The following UVRAG variants were observed in gnomAD, a reference collection of about 807,000 sequenced individuals.
UVRAG encodes UV radiation resistance associated, also known as UV radiation resistance-associated gene protein.
Under a neutral mutation model 78.0 loss-of-function variants are expected in UVRAG, and 19 were observed. The ratio of observed to expected loss-of-function variants is 0.24; its 90% confidence interval spans 0.17 to 0.36. The LOEUF (loss-of-function observed/expected upper bound fraction) is 0.36, where lower values mean the gene tolerates loss of function less well. Ranked by LOEUF, UVRAG falls within the 10% of genes least tolerant of loss-of-function variation. The pLI is 1.00. For missense variants in UVRAG, 740 were observed against 853.8 expected (o/e 0.87, Z 1.66); for synonymous variants, 323 against 324.6 (o/e 1.00, Z 0.05).
intron 3 of UVRAG, among the ~76,000 whole-genome samples, chr11:75,870,801 A>G (rs1205513327): frequency 6.6e-6 from 1 of 152,218 alleles, no homozygotes; most frequent in South Asian, 2.1e-4. Context: ...ATGCACAAAT[A>G]ATAGCCTTAT....
intron 4 of UVRAG, among the ~76,000 whole-genome samples, chr11:75,884,804 G>A (rs1395113746): frequency 1.3e-5 from 2 of 152,044 alleles, no homozygotes; most frequent in Non-Finnish European, 2.9e-5. Context: ...TTTAAAATGT[G>A]TCTAGAATTC....
chr11:76,067,758 C>CAA (rs796481929), intron 13 of UVRAG, among the ~76,000 whole-genome samples: 1 of 139,710 alleles, frequency 7.2e-6, no homozygotes. Flanking sequence ...GATTCTGTCT[C>CAA]AAAAAAAAAA....
chr11:75,870,624 G>C (rs545018293), intron 3 of UVRAG, among the ~76,000 whole-genome samples: 57 of 152,214 alleles, frequency 3.7e-4, no homozygotes, highest in African/African-American at 1.3e-3. Context: ...ACCTTTTAGG[G>C]TGGTATAATT....
intron 14 of UVRAG, among the ~76,000 whole-genome samples, chr11:76,127,225 T>A (rs1293812853): frequency 1.3e-5 from 2 of 152,134 alleles, no homozygotes; most frequent in Non-Finnish European, 2.9e-5. Flanking sequence ...GTCTGAAAGA[T>A]GTGTTGAAAA....
chr11:76,056,941 G>A (rs973021776), intron 12 of UVRAG, among the ~76,000 whole-genome samples: 1 of 152,218 alleles, frequency 6.6e-6, no homozygotes, highest in African/African-American at 2.4e-5. Flanking sequence ...GAAAGTGTCA[G>A]CTCTGGGAAG....
chr11:75,866,588 T>G (rs1032506816), intron 3 of UVRAG, among the ~76,000 whole-genome samples: 11 of 151,822 alleles, frequency 7.2e-5, no homozygotes, highest in Non-Finnish European at 1.2e-4. Flanking sequence ...TAAAAAACTT[T>G]GTGCTTTTTT....
chr11:76,103,893 A>G (rs1951927114), intron 13 of UVRAG, among the ~76,000 whole-genome samples: 1 of 152,126 alleles, frequency 6.6e-6, no homozygotes, highest in South Asian at 2.1e-4. Context: ...CTGAACAGTA[A>G]CTAAACAGAG....
intron 5 of UVRAG, among the ~76,000 whole-genome samples, chr11:75,906,487 A>G (rs1947617806): frequency 6.6e-6 from 1 of 152,052 alleles, no homozygotes; most frequent in African/African-American, 2.4e-5. Context: ...AGCTGGGATT[A>G]CAAGCGCGTG....
intron 14 of UVRAG, among the ~76,000 whole-genome samples, chr11:76,118,880 A>T (rs1952229221): frequency 6.6e-6 from 1 of 152,242 alleles, no homozygotes; most frequent in African/African-American, 2.4e-5. Context: ...TCTATTCTCC[A>T]GAACAGTTCA....
intron 5 of UVRAG, among the ~76,000 whole-genome samples, chr11:75,897,648 C>T (rs1160799498): frequency 6.6e-6 from 1 of 151,372 alleles, no homozygotes; most frequent in Non-Finnish European, 1.5e-5. Context: ...TTCAGCCTCC[C>T]GAGTAGCTGG....
intron 6 of UVRAG, among the ~76,000 whole-genome samples, chr11:75,935,465 GTC>G (rs1948348562): frequency 6.6e-6 from 1 of 151,876 alleles, no homozygotes. Context: ...AAGGCAATCT[GTC>G]TCTCTTTCTC....
At chr11:76,025,602 C>T (rs952728105) in intron 12 of UVRAG, among the ~76,000 whole-genome samples, 5 of 152,090 alleles carry the variant, frequency 3.3e-5, no homozygotes, top group African/African-American at 9.7e-5. Context: ...AATGCTGTTT[C>T]CTTGATTTTG....
chr11:76,081,703 G>C (rs1189851135), intron 13 of UVRAG, among the ~76,000 whole-genome samples: 1 of 152,022 alleles, frequency 6.6e-6, no homozygotes, highest in Non-Finnish European at 1.5e-5. Context: ...AGGGTAGATT[G>C]ATCATTTAAA....
chr11:75,875,786 G>C (rs2134848932), intron 3 of UVRAG, among the ~76,000 whole-genome samples: 1 of 152,192 alleles, frequency 6.6e-6, no homozygotes. Flanking sequence ...TAGGGGTATA[G>C]CCCTTTTGTG....
At chr11:76,086,782 G>T (rs1310857179) in intron 13 of UVRAG, among the ~76,000 whole-genome samples, 4 of 152,088 alleles carry the variant, frequency 2.6e-5, no homozygotes, top group Non-Finnish European at 1.5e-5. Context: ...ACAAAGACCC[G>T]CAAGACTGTG....
At chr11:75,865,708 G>A (rs7949033) in intron 3 of UVRAG, among the ~76,000 whole-genome samples, 10,183 of 151,432 alleles carry the variant, frequency 0.067, 489 homozygotes, top group African/African-American at 0.14. Flanking sequence ...TCCGCCTCCC[G>A]GGTTCAAATG....
At chr11:75,925,688 G>A (rs1028367735) in intron 6 of UVRAG, among the ~76,000 whole-genome samples, 1 of 152,202 alleles carries the variant, frequency 6.6e-6, no homozygotes, top group Admixed American at 6.5e-5. Flanking sequence ...TACACAGGGG[G>A]TGGAGAAGGA....
chr11:76,067,891 C>A (rs754657083), intron 13 of UVRAG, among the ~76,000 whole-genome samples: 8 of 152,116 alleles, frequency 5.3e-5, no homozygotes, highest in Non-Finnish European at 8.8e-5. Context: ...AAACTGGCAT[C>A]ATTTAGTAGA....
At chr11:76,078,685 C>T (rs1469910884) in intron 13 of UVRAG, among the ~76,000 whole-genome samples, 13 of 142,732 alleles carry the variant, frequency 9.1e-5, no homozygotes, top group South Asian at 2.2e-4. Flanking sequence ...GTGCGGATCA[C>T]GAGGTCAGGA....
Sources: gnomAD v4.1 joint callset for allele counts (sites outside exome capture counted in the v4.1 genomes callset) on GRCh38, gnomAD v4.1.1 for gene constraint, MANE v1.5 for transcripts, NCBI Gene and HGNC (gene_info 2026-07-23, HGNC 2026-07-21) for gene names.